Variants in TPH2 observed in about 807,000 individuals in gnomAD.
The protein encoded by TPH2 is tryptophan 5-hydroxylase 2.
A neutral mutation model predicts 59.1 loss-of-function variants in TPH2; 27 were observed. The observed-to-expected ratio is 0.46, with a 90% CI of 0.34 to 0.63. The LOEUF (loss-of-function observed/expected upper bound fraction) is 0.63. Ranked by LOEUF, TPH2 falls within the 30% of genes least tolerant of loss-of-function variation. The pLI is 0.01. For synonymous variants in TPH2, 220 were observed against 210.5 expected (o/e 1.05, Z -0.39); for missense variants, 523 against 588.3 (o/e 0.89, Z 1.15).
intron 5 of TPH2, among the ~76,000 whole-genome samples, chr12:71,951,218 G>A (rs576683824): frequency 2.0e-5 from 3 of 152,100 alleles, no homozygotes; most frequent in Admixed American, 6.6e-5. Flanking sequence ...GAGAGGACTC[G>A]GATGGGCTGA....
At chr12:71,952,830 A>C (rs1347556678) in intron 5 of TPH2, among the ~76,000 whole-genome samples, 1 of 152,222 alleles carries the variant, frequency 6.6e-6, no homozygotes, top group Admixed American at 6.5e-5. Flanking sequence ...AAAACAGAGA[A>C]TGCATGTGCT....
intron 5 of TPH2, chr12:71,961,611 A>G (rs370771154): frequency 7.4e-7 from 1 of 1,351,960 alleles, no homozygotes; most frequent in Non-Finnish European, 9.8e-7. Context: ...TTCTGTATCA[A>G]GTTCTTTGAG....
At chr12:71,988,553 AACTC>A (rs1301376523) in intron 7 of TPH2, among the ~76,000 whole-genome samples, 1 of 152,082 alleles carries the variant, frequency 6.6e-6, no homozygotes, top group Non-Finnish European at 1.5e-5. Flanking sequence ...ATCTCGGGAG[AACTC>A]ACTCACTATC....
At chr12:72,022,373 C>A in intron 8 of TPH2, 26 bp from the exon 9 acceptor site, 1 of 1,578,264 alleles carries the variant, frequency 6.3e-7, no homozygotes, top group Non-Finnish European at 8.7e-7. Flanking sequence ...GACCAGTTCA[C>A]TGAATATGTG....
At chr12:71,962,715 T>G (rs1036254235) in intron 5 of TPH2, 13 of 970,332 alleles carry the variant, frequency 1.3e-5, no homozygotes, top group Non-Finnish European at 1.6e-5. Context: ...CAAATATTAT[T>G]TTTTTGTTTT....
chr12:71,980,941 T>A (rs1566138694), intron 7 of TPH2, among the ~76,000 whole-genome samples: 3 of 152,228 alleles, frequency 2.0e-5, no homozygotes, highest in East Asian at 1.9e-4. Context: ...AAAAAAAATT[T>A]TTTTTAAAGC....
In TPH2 at chr12:71,939,080, G is replaced by T; in HGVS notation, c.94G>T (p.Gly32Cys). ...AGTGCCCGAAGAGCATCAGCTACTT[G>T]GCAGCTCAACAGTGAGTACTACGTA... ...SAVPEEHQLL[G>C]SSTLNKPNSG... The change falls in exon 1 of 11, where the codon GGC (glycine) becomes TGC (cysteine). Residue 32 changes from glycine (G) to cysteine (C), a missense_variant. Coordinates refer to ENST00000333850, the MANE Select transcript of TPH2 (RefSeq NM_173353.4). 6.2e-7 allele frequency: 1 copy of T among 1,613,808 alleles called. No individual in the cohort carries two copies.
chr12:71,995,841 C>A (rs1275475009), intron 8 of TPH2, among the ~76,000 whole-genome samples: 1 of 151,874 alleles, frequency 6.6e-6, no homozygotes, highest in African/African-American at 2.4e-5. Flanking sequence ...TAAATGTTGG[C>A]TTATTAAAAA....
At chr12:72,023,023 G>T (rs1479203755) in intron 9 of TPH2, among the ~76,000 whole-genome samples, 1 of 152,170 alleles carries the variant, frequency 6.6e-6, no homozygotes, top group Non-Finnish European at 1.5e-5. Flanking sequence ...TATCAGAGAG[G>T]TATCTATTAT....
intron 8 of TPH2, among the ~76,000 whole-genome samples, chr12:72,001,000 T>G (rs1257060117): frequency 6.6e-6 from 1 of 152,242 alleles, no homozygotes; most frequent in East Asian, 1.9e-4. Flanking sequence ...CATCCTATGA[T>G]GCAGATGGCT....
chr12:72,006,379 G>C (rs749371982), intron 8 of TPH2, among the ~76,000 whole-genome samples: 6 of 152,120 alleles, frequency 3.9e-5, no homozygotes, highest in African/African-American at 1.4e-4. Flanking sequence ...TTATAGCCAA[G>C]GAACAGGGTT....
intron 7 of TPH2, among the ~76,000 whole-genome samples, chr12:71,988,422 C>G (rs1197363267): frequency 6.6e-6 from 1 of 152,110 alleles, no homozygotes; most frequent in African/African-American, 2.4e-5. Context: ...GCATCTGTTT[C>G]TGGGGGACCT....
At chr12:72,027,500 G>A (rs1343187391) in intron 9 of TPH2, among the ~76,000 whole-genome samples, 2 of 152,152 alleles carry the variant, frequency 1.3e-5, no homozygotes, top group Non-Finnish European at 2.9e-5. Context: ...GCTTACAGAG[G>A]TAAAGTAATT....
intron 5 of TPH2, among the ~76,000 whole-genome samples, chr12:71,970,553 T>C (rs1871944689): frequency 1.3e-5 from 2 of 152,260 alleles, no homozygotes; most frequent in African/African-American, 4.8e-5. Flanking sequence ...CTCAGCCTCA[T>C]TGCTTTCCTA....
intron 7 of TPH2, among the ~76,000 whole-genome samples, chr12:71,994,157 A>G (rs1872639779): frequency 1.3e-5 from 2 of 152,368 alleles, no homozygotes; most frequent in South Asian, 2.1e-4. Flanking sequence ...AAAGCATACA[A>G]TAAAACACTT....
chr12:72,029,215 A>T (rs1039130472), intron 9 of TPH2, among the ~76,000 whole-genome samples: 2 of 152,162 alleles, frequency 1.3e-5, no homozygotes, highest in African/African-American at 4.8e-5. Context: ...AAATGTCTTT[A>T]GCTTAGCAAG....
At chr12:71,998,600 T>C (rs183527002) in intron 8 of TPH2, among the ~76,000 whole-genome samples, 79 of 152,102 alleles carry the variant, frequency 5.2e-4, no homozygotes, top group African/African-American at 1.9e-3. Context: ...TCAAACCATA[T>C]ACTGAAACTA....
In TPH2 at chr12:71,996,893, C is replaced by A. The variant is rs540957101; in HGVS notation, c.1068+2328C>A. On this transcript the variant is annotated intron_variant, in intron 8 of 10. Transcript: ENST00000333850. ...CAAATTACATTTATAAGGAATGTGA[C>A]AATGTTCTCCTCACTTTTTGGAAAT... Among the ~76,000 whole-genome samples the A allele has an allele frequency of 2.9e-3, 437 of 152,272 alleles. 2 individuals carry two copies. Among genetic ancestry groups the A allele is most frequent in the Non-Finnish European group, 4.6e-3 (310 of 68,020 alleles).
rs996383409 is a variant in TPH2, at chr12:71,995,232, G to T, written c.1068+667G>T. The stretch of plus-strand genomic sequence containing the variant: ...AGCAATATGAGAGAAAAGGTTTAAT[G>T]TTGGCTGCTACCTTTAAGATGCTGA... On this transcript the variant is annotated intron_variant, in intron 8 of 10. Coordinates refer to ENST00000333850, the MANE Select transcript of TPH2 (RefSeq NM_173353.4). Among the ~76,000 whole-genome samples, 3 of 152,046 alleles carry T rather than the reference G, an allele frequency of 2.0e-5. No individual in the cohort carries two copies. The South Asian group carries it at 6.2e-4, about 32-fold the overall frequency.
Sources: allele counts gnomAD v4.1 joint callset (sites outside exome capture counted in the v4.1 genomes callset), GRCh38; gene constraint gnomAD v4.1.1; transcripts MANE v1.5; gene names NCBI Gene and HGNC (gene_info 2026-07-23, HGNC 2026-07-21).